HNF4G: variants seen among roughly 807,000 people sequenced by gnomAD.
The protein encoded by HNF4G is hepatocyte nuclear factor 4-gamma.
Under a neutral mutation model 50.9 loss-of-function variants are expected in HNF4G, and 21 were observed. The ratio of observed to expected loss-of-function variants is 0.41; its 90% CI spans 0.29 to 0.59. The LOEUF (loss-of-function observed/expected upper bound fraction) is 0.59, where lower values mean the gene tolerates loss of function less well. HNF4G is among the 20% of genes least tolerant of loss of function. HNF4G has a pLI of 0.26. For synonymous variants in HNF4G, 198 were observed against 185.6 expected (o/e 1.07, Z -0.54); for missense variants, 527 against 559.4 (o/e 0.94, Z 0.58).
At chr8:75,502,220 C>T (rs1812947815) in intron 2 of HNF4G, among the ~76,000 whole-genome samples, 1 of 152,026 alleles carries the variant, frequency 6.6e-6, no homozygotes, top group Admixed American at 6.6e-5. Flanking sequence ...ATAGATTTCT[C>T]AAATTTAAAA....
intron 1 of HNF4G, among the ~76,000 whole-genome samples, chr8:75,427,925 G>T (rs902251380): frequency 8.5e-5 from 13 of 152,208 alleles, no homozygotes; most frequent in Admixed American, 5.9e-4. Context: ...CCTTCACAAA[G>T]TCTGGCACAT....
intron 2 of HNF4G, among the ~76,000 whole-genome samples, chr8:75,498,552 G>A (rs1273648334): frequency 6.6e-6 from 1 of 151,970 alleles, no homozygotes; most frequent in African/African-American, 2.4e-5. Context: ...CTTATTATAT[G>A]AGGCCAATAT....
intron 1 of HNF4G, among the ~76,000 whole-genome samples, chr8:75,482,390 G>T (rs572182284): frequency 1.3e-4 from 19 of 151,938 alleles, no homozygotes; most frequent in African/African-American, 4.1e-4. Context: ...TTTTTAGAAG[G>T]AGTCTCTCTC....
At chr8:75,425,836 A>G (rs1401990892) in intron 1 of HNF4G, among the ~76,000 whole-genome samples, 1 of 152,068 alleles carries the variant, frequency 6.6e-6, no homozygotes, top group African/African-American at 2.4e-5. Context: ...GGCTATTACA[A>G]TAAAGCTGTC....
intron 1 of HNF4G, among the ~76,000 whole-genome samples, chr8:75,424,670 T>C (rs1810850868): frequency 6.6e-6 from 1 of 152,168 alleles, no homozygotes; most frequent in Admixed American, 6.5e-5. Flanking sequence ...TTAATTTGCA[T>C]AGGATAATGG....
chr8:75,421,911 A>C (rs1334101723), intron 1 of HNF4G, among the ~76,000 whole-genome samples: 1 of 152,144 alleles, frequency 6.6e-6, no homozygotes, highest in Non-Finnish European at 1.5e-5. Flanking sequence ...CAGACCCTGG[A>C]AACTACTCTT....
At chr8:75,533,464 C>T (rs1806382204) in intron 2 of HNF4G, among the ~76,000 whole-genome samples, 1 of 151,966 alleles carries the variant, frequency 6.6e-6, no homozygotes, top group Non-Finnish European at 1.5e-5. Flanking sequence ...GCCTAATATA[C>T]AAGTTGGCAT....
At chr8:75,549,923 T>C (rs1563550954) in intron 3 of HNF4G, among the ~76,000 whole-genome samples, 1 of 152,132 alleles carries the variant, frequency 6.6e-6, no homozygotes, top group Non-Finnish European at 1.5e-5. Context: ...TCCATGTCCC[T>C]ACAAAGGACA....
intron 1 of HNF4G, among the ~76,000 whole-genome samples, chr8:75,542,893 A>G (rs1279935581): frequency 6.6e-6 from 1 of 152,176 alleles, no homozygotes; most frequent in Non-Finnish European, 1.5e-5. Flanking sequence ...TGTGAATTAA[A>G]TATGTATTTC....
chr8:75,518,106 T>C (rs1445893961), intron 2 of HNF4G, among the ~76,000 whole-genome samples: 1 of 151,086 alleles, frequency 6.6e-6, no homozygotes, highest in Non-Finnish European at 1.5e-5. Flanking sequence ...TCATTTAGCA[T>C]TAGGTATATC....
chr8:75,424,048 C>T (rs2130498439), intron 1 of HNF4G, among the ~76,000 whole-genome samples: 1 of 151,746 alleles, frequency 6.6e-6, no homozygotes, highest in South Asian at 2.1e-4. Context: ...GTCTTGATCT[C>T]TTGACCTCGT....
intron 3 of HNF4G, among the ~76,000 whole-genome samples, chr8:75,550,300 C>T (rs1806910028): frequency 6.6e-6 from 1 of 151,664 alleles, no homozygotes; most frequent in African/African-American, 2.4e-5. Context: ...ATTTTATTCT[C>T]TCTCTCTCTC....
intron 1 of HNF4G, among the ~76,000 whole-genome samples, chr8:75,432,062 A>G (rs1421499748): frequency 3.9e-5 from 6 of 152,082 alleles, no homozygotes; most frequent in Non-Finnish European, 8.8e-5. Flanking sequence ...AGCCTGGGCC[A>G]CATAGGGACA....
chr8:75,464,804 A>G (rs1318681768), intron 1 of HNF4G, among the ~76,000 whole-genome samples: 2 of 152,210 alleles, frequency 1.3e-5, no homozygotes, highest in Admixed American at 6.5e-5. Flanking sequence ...AGTGTACAGG[A>G]AAACACCAGG....
chr8:75,416,597 T>C (rs551396231), intron 1 of HNF4G, among the ~76,000 whole-genome samples: 2 of 152,200 alleles, frequency 1.3e-5, no homozygotes, highest in Non-Finnish European at 2.9e-5. Context: ...AGTAATTATG[T>C]TTAATATGCT....
At chr8:75,458,141 G>A (rs931903759) in intron 1 of HNF4G, among the ~76,000 whole-genome samples, 3 of 151,988 alleles carry the variant, frequency 2.0e-5, no homozygotes, top group African/African-American at 4.8e-5. Context: ...CTGGTAGGTG[G>A]TTAGGTTTAG....
intron 4 of HNF4G, among the ~76,000 whole-genome samples, chr8:75,552,801 A>C (rs1422316145): frequency 6.6e-6 from 1 of 152,126 alleles, no homozygotes; most frequent in African/African-American, 2.4e-5. Flanking sequence ...TACTGTTCCC[A>C]GAGGATGGTG....
intron 2 of HNF4G, among the ~76,000 whole-genome samples, chr8:75,534,277 T>C (rs755685599): frequency 2.0e-5 from 3 of 151,940 alleles, no homozygotes; most frequent in Non-Finnish European, 4.4e-5. Flanking sequence ...TCAGTTTCCT[T>C]ACCAGTATAA....
At chr8:75,441,855 A>C (rs1811294645) in intron 1 of HNF4G, among the ~76,000 whole-genome samples, 1 of 152,230 alleles carries the variant, frequency 6.6e-6, no homozygotes, top group Non-Finnish European at 1.5e-5. Flanking sequence ...CATACACTAG[A>C]ATATTTATAG....
Sources: gnomAD v4.1 joint callset for allele counts (sites outside exome capture counted in the v4.1 genomes callset) on GRCh38, gnomAD v4.1.1 for gene constraint, MANE v1.5 for transcripts, NCBI Gene and HGNC (gene_info 2026-07-23, HGNC 2026-07-21) for gene names.